PRKG1: variants seen among roughly 807,000 people sequenced by gnomAD.
PRKG1 encodes cGMP-dependent protein kinase 1.
PRKG1 carries 35 observed loss-of-function variants against 88.1 expected under a neutral mutation model. The observed-to-expected ratio is 0.40, with a 90% confidence interval of 0.30 to 0.53. The LOEUF is 0.53. Ranked by LOEUF, PRKG1 falls within the 20% of genes least tolerant of loss-of-function variation. The probability of loss-of-function intolerance (pLI) is 0.59; values close to 1 mark genes in which losing one functional copy is unlikely to be tolerated. For synonymous variants in PRKG1, 303 were observed against 292.5 expected, an observed-to-expected ratio of 1.04 and a Z score of -0.37; for missense variants, 540 against 839.8, an observed-to-expected ratio of 0.64 and a Z score of 4.41.
intron 3 of PRKG1, among the ~76,000 whole-genome samples, chr10:51,736,366 T>G (rs1405730962): frequency 1.3e-5 from 2 of 152,148 alleles, no homozygotes; most frequent in Non-Finnish European, 2.9e-5. Context: ...TCCTCCCACT[T>G]CAGCCTCCCG....
chr10:51,954,268 T>G (rs552764755), intron 5 of PRKG1, among the ~76,000 whole-genome samples: 12 of 152,144 alleles, frequency 7.9e-5, no homozygotes, highest in Non-Finnish European at 1.6e-4. Flanking sequence ...CATAAGTAGG[T>G]GTTTTGTCTA....
intron 2 of PRKG1, among the ~76,000 whole-genome samples, chr10:51,331,227 G>A (rs1160494137): frequency 4.6e-5 from 7 of 152,030 alleles, no homozygotes; most frequent in Admixed American, 3.9e-4. Context: ...TGGAATTAGG[G>A]CATACTAGAA....
chr10:52,228,292 A>C (rs1163639887), intron 9 of PRKG1, among the ~76,000 whole-genome samples: 1 of 151,992 alleles, frequency 6.6e-6, no homozygotes, highest in Non-Finnish European at 1.5e-5. Context: ...AAAGAAAAAA[A>C]AAAAAAGAAA....
intron 3 of PRKG1, among the ~76,000 whole-genome samples, chr10:51,693,888 C>T (rs74132565): frequency 0.03 from 4,527 of 150,972 alleles, 192 homozygotes; most frequent in African/African-American, 0.1. Flanking sequence ...TAAAAACAAA[C>T]GAAAATATTT....
chr10:51,146,654 G>T (rs376334107), intron 1 of PRKG1, among the ~76,000 whole-genome samples: 1 of 151,980 alleles, frequency 6.6e-6, no homozygotes, highest in Non-Finnish European at 1.5e-5. Flanking sequence ...GCCTAGACTC[G>T]ATGTCCTGAA....
At chr10:52,019,162 C>G (rs1373020040) in intron 5 of PRKG1, among the ~76,000 whole-genome samples, 1 of 152,062 alleles carries the variant, frequency 6.6e-6, no homozygotes, top group Non-Finnish European at 1.5e-5. Context: ...GGAGTGGGAA[C>G]TCAGTCACCC....
chr10:51,676,990 A>C (rs1840726753), intron 3 of PRKG1, among the ~76,000 whole-genome samples: 1 of 152,202 alleles, frequency 6.6e-6, no homozygotes, highest in Non-Finnish European at 1.5e-5. Context: ...TACCAGTGTA[A>C]GTCCCACCCA....
rs957262676 is a variant in PRKG1, at chr10:51,031,686, A to G, written c.266+40042A>G. Among the ~76,000 whole-genome samples, 6 of 152,324 alleles carry G rather than the reference A, an allele frequency of 3.9e-5. No individual in the cohort carries two copies. In the South Asian group the frequency reaches 1.2e-3, roughly 32 times the overall value. On this transcript the variant is annotated intron_variant, in intron 1 of 17. Coordinates refer to the PRKG1 transcript ENST00000401604. Reference sequence around the variant, plus strand: ...TTTTATGGATAGAATTAAGGCTCAGAGAAGTTACATGAGTTATCCAAGATC... The same window carrying G: ...TTTTATGGATAGAATTAAGGCTCAGGGAAGTTACATGAGTTATCCAAGATC...
At chr10:52,022,282 C>A (rs1219598250) in intron 5 of PRKG1, among the ~76,000 whole-genome samples, 2 of 152,170 alleles carry the variant, frequency 1.3e-5, no homozygotes, top group Admixed American at 1.3e-4. Flanking sequence ...ACTCAATTTT[C>A]AACTTTTGTT....
intron 4 of PRKG1, among the ~76,000 whole-genome samples, chr10:51,901,875 T>C (rs75681269): frequency 0.014 from 2,113 of 152,248 alleles, 45 homozygotes; most frequent in African/African-American, 0.048. Context: ...GGATTCTCTA[T>C]CTATCTTACA....
intron 3 of PRKG1, among the ~76,000 whole-genome samples, chr10:51,597,035 A>G (rs1184692747): frequency 1.3e-5 from 2 of 152,330 alleles, no homozygotes; most frequent in East Asian, 3.9e-4. Flanking sequence ...CAAGCTTCAC[A>G]TGAATCAGCC....
rs1292191304 is a variant in PRKG1 at position 51,103,143 on chromosome 10, A to AC, written c.311+28242_311+28243insC. Among the ~76,000 whole-genome samples the AC allele has an allele frequency of 3.6e-5, 4 of 112,216 alleles. No individual in the cohort carries two copies. In the East Asian group the frequency reaches 1.5e-3, roughly 42 times the overall value. 73.6% of individuals were successfully genotyped at this position (112,216 alleles called of 152,430 possible). ...GCTAAATATTCAAAAGTAAAAAAAAAATAGTTAGAAAATGAGAGTGTTCAT... is the reference window on the plus strand; with the variant it reads ...GCTAAATATTCAAAAGTAAAAAAAAACATAGTTAGAAAATGAGAGTGTTCAT... On this transcript the variant is annotated intron_variant, in intron 1 of 17. Coordinates refer to ENST00000373980, the MANE Select transcript of PRKG1 (RefSeq NM_006258.4).
At chr10:51,412,208 AGAG>A (rs1321018083) in intron 2 of PRKG1, among the ~76,000 whole-genome samples, 7 of 124,662 alleles carry the variant, frequency 5.6e-5, no homozygotes, top group African/African-American at 2.7e-4. Context: ...AGAGAGAGAG[AGAG>A]AGAAAGAAAG....
chr10:51,283,947 C>G (rs1589313854), intron 2 of PRKG1, among the ~76,000 whole-genome samples: 1 of 152,112 alleles, frequency 6.6e-6, no homozygotes, highest in African/African-American at 2.4e-5. Flanking sequence ...ATTCTTGCTT[C>G]TAATCAACCA....
At chr10:52,088,198 AT>A (rs920343812) in intron 7 of PRKG1, among the ~76,000 whole-genome samples, 2 of 151,948 alleles carry the variant, frequency 1.3e-5, no homozygotes, top group Non-Finnish European at 2.9e-5. Flanking sequence ...TCTTTGCCTT[AT>A]TTTTTTAATT....
rs1161687485 is a variant in PRKG1, at chr10:52,222,558, A to G, written c.1077-29012A>G. Among the ~76,000 whole-genome samples, 5 of 152,316 alleles carry G rather than the reference A, an allele frequency of 3.3e-5. No individual in the cohort carries two copies. In the East Asian group the frequency reaches 9.6e-4, roughly 29 times the overall value. On this transcript the variant is annotated intron_variant, in intron 9 of 17. Transcript: ENST00000373980. ...TAGATGAATGTATAAAGAGATGGATAGGTGAGAATCAGATTGTGGTTTAGC... is the reference window on the plus strand; with the variant it reads ...TAGATGAATGTATAAAGAGATGGATGGGTGAGAATCAGATTGTGGTTTAGC...
chr10:51,627,941 C>T (rs367603234), intron 3 of PRKG1, among the ~76,000 whole-genome samples: 2,909 of 24,490 alleles, frequency 0.12, 120 homozygotes, highest in Middle Eastern at 0.34. Flanking sequence ...TTCCTTCCTT[C>T]CTTTCTTTCT....
chr10:51,241,256 C>G (rs1839144318), intron 2 of PRKG1, among the ~76,000 whole-genome samples: 1 of 151,562 alleles, frequency 6.6e-6, no homozygotes, highest in African/African-American at 2.4e-5. Context: ...AGACAATAGT[C>G]ACGGCGTCAT....
At chr10:51,183,654 C>A (rs932535587) in intron 2 of PRKG1, among the ~76,000 whole-genome samples, 9 of 152,140 alleles carry the variant, frequency 5.9e-5, no homozygotes, top group African/African-American at 1.7e-4. Context: ...ACCAGGGACA[C>A]TGACATTCCA....
Sources: gnomAD v4.1 joint callset for allele counts (sites outside exome capture counted in the v4.1 genomes callset) on GRCh38, gnomAD v4.1.1 for gene constraint, MANE v1.5 for transcripts, NCBI Gene and HGNC (gene_info 2026-07-23, HGNC 2026-07-21) for gene names.